The following ZNF18 variants were observed in gnomAD, a reference collection of about 807,000 sequenced individuals.
ZNF18 encodes zinc finger protein 18.
In ZNF18, 42 loss-of-function variants were observed where a neutral mutation model predicts 58.1. That is an observed-to-expected ratio of 0.72 (90% CI 0.56 to 0.93). ZNF18 has a LOEUF of 0.93. ZNF18 is among the 40% of genes least tolerant of loss of function. ZNF18 has a pLI of 0.00. For missense variants in ZNF18, 540 were observed against 644.2 expected, an observed-to-expected ratio of 0.84 and a Z score of 1.75; for synonymous variants, 231 against 239.8, an observed-to-expected ratio of 0.96 and a Z score of 0.34.
rs539768789 is a variant in ZNF18, at chr17:11,992,708, C to T, written c.122G>A (p.Arg41His). 1.1e-5 allele frequency: 18 copies of T among 1,614,246 alleles called. No individual in the cohort carries two copies. The highest frequency in any genetic ancestry group is 5.3e-5 in the African/African-American group (4 of 75,070). The change falls in exon 2 of 7, where the codon CGC becomes CAC. Residue 41 changes from arginine (R) to histidine (H), a missense_variant. Physicochemically the swap from Arg to His is conservative, Grantham distance 29. Coordinates refer to ENST00000580306, the MANE Select transcript of ZNF18 (RefSeq NM_001303281.2). Reference protein sequence around the residue: ...QEELSSPETARQLFRQFRYQV... With the variant: ...QEELSSPETAHQLFRQFRYQV... The stretch of plus-strand genomic sequence containing the variant: ...GTAACGGAACTGCCTGAAAAGCTGG[C>T]GTGCGGTCTCAGGGCTGGAGAGTTC...
chr17:11,989,480 T>C (rs564482851), intron 4 of ZNF18, among the ~76,000 whole-genome samples: 4 of 152,200 alleles, frequency 2.6e-5, no homozygotes, highest in South Asian at 2.1e-4. Context: ...ATATTCCATA[T>C]GTTCAAGAAG....
At chr17:11,998,563 TC>T (rs1567612285), upstream of ZNF18, 3 of 150,492 alleles carry the variant, frequency 2.0e-5, no homozygotes, top group African/African-American at 7.3e-5. Context: ...TCATAACATG[TC>T]CTGTACCTGT....
At chr17:11,985,030 T>G (rs923335937) in intron 4 of ZNF18, among the ~76,000 whole-genome samples, 1 of 152,142 alleles carries the variant, frequency 6.6e-6, no homozygotes, top group Non-Finnish European at 1.5e-5. Context: ...AAACAAAGAT[T>G]GGTATATTCA....
intron 1 of ZNF18, among the ~76,000 whole-genome samples, chr17:11,994,827 C>T (rs543252193): frequency 2.6e-5 from 4 of 151,580 alleles, no homozygotes; most frequent in East Asian, 3.9e-4. Flanking sequence ...GGCGACAGAG[C>T]GAGACTCCGT....
Position 11,978,275 on chromosome 17 carries a change from G to A in ZNF18, c.1332C>T (p.Ala444=), listed in dbSNP as rs754787300. 3.1e-6 allele frequency: 5 copies of A among 1,608,274 alleles called. No individual in the cohort carries two copies. Among genetic ancestry groups the A allele is most frequent in the Non-Finnish European group, 4.2e-6 (5 of 1,177,920 alleles). Reference sequence around the variant, plus strand: ...TCACAAAGTCTGAACTCCGCAGAAAGGCTTTTTTGCAGATGGTGCACTGAA... The same window carrying A: ...TCACAAAGTCTGAACTCCGCAGAAAAGCTTTTTTGCAGATGGTGCACTGAA... ...TYFQCTICKK[A]FLRSSDFVKH... The change falls in exon 7 of 7, where the codon GCC becomes GCT. Residue 444 remains alanine (A), a synonymous_variant. Coordinates refer to ENST00000580306, the MANE Select transcript of ZNF18 (RefSeq NM_001303281.2).
At chr17:11,995,226 T>A (rs1968392957) in intron 1 of ZNF18, among the ~76,000 whole-genome samples, 1 of 151,298 alleles carries the variant, frequency 6.6e-6, no homozygotes, top group African/African-American at 2.4e-5. Flanking sequence ...CTGTCCAACA[T>A]GGCAAAACCC....
chr17:11,993,009 C>T (rs1298617340), intron 1 of ZNF18, 98 bp from the exon 2 acceptor site: 1 of 682,210 alleles, frequency 1.5e-6, no homozygotes, highest in Non-Finnish European at 2.4e-6. Flanking sequence ...ATGGGGTCAA[C>T]TATGGAGCTT....
chr17:12,012,514 T>A, the ZNF18 span, among the ~76,000 whole-genome samples: 5 of 152,228 alleles, frequency 3.3e-5, no homozygotes, highest in Admixed American at 3.3e-4. Flanking sequence ...TATACATTTT[T>A]AATTTTGATA....
upstream of ZNF18, among the ~76,000 whole-genome samples, chr17:12,000,518 A>G (rs1968638440): frequency 6.6e-6 from 1 of 152,120 alleles, no homozygotes; most frequent in Non-Finnish European, 1.5e-5. Context: ...AGACCAGCCT[A>G]ACCAACATGG....
chr17:11,984,460 A>G (rs878975736), intron 4 of ZNF18, among the ~76,000 whole-genome samples: 1 of 152,028 alleles, frequency 6.6e-6, no homozygotes, highest in Admixed American at 6.6e-5. Flanking sequence ...GAATTATTTA[A>G]AAGTGGAGAA....
chr17:11,998,927 T>C (rs569552680), upstream of ZNF18, among the ~76,000 whole-genome samples: 3 of 151,108 alleles, frequency 2.0e-5, no homozygotes, highest in African/African-American at 7.3e-5. Flanking sequence ...CCACCCACCT[T>C]GGCCTCCCAA....
At chr17:11,996,805 A>C (rs765960611) in intron 1 of ZNF18, 5 of 152,280 alleles carry the variant, frequency 3.3e-5, no homozygotes, top group African/African-American at 1.2e-4. Context: ...AATTCCCACA[A>C]TTACCCTGGT....
At chr17:12,001,031 A>C (rs547238175), upstream of ZNF18, among the ~76,000 whole-genome samples, 1 of 152,308 alleles carries the variant, frequency 6.6e-6, no homozygotes, top group East Asian at 1.9e-4. Flanking sequence ...AGGGAGGAAA[A>C]ATTTGTATGG....
chr17:12,020,900 G>T, the ZNF18 span: 65 of 1,213,508 alleles, frequency 5.4e-5, no homozygotes, highest in Non-Finnish European at 6.2e-5. Flanking sequence ...GCGGCTCCGA[G>T]CCCGAGCGGC....
At chr17:12,004,003 C>T in the ZNF18 span, among the ~76,000 whole-genome samples, 6 of 152,136 alleles carry the variant, frequency 3.9e-5, no homozygotes, top group African/African-American at 1.2e-4. Context: ...GAGGCTGAGG[C>T]GGGCGGATCA....
Position 11,984,106 on chromosome 17 carries a change from C to A in ZNF18, c.751+7G>T, listed in dbSNP as rs918267938. Reference sequence around the variant, plus strand: ...CCTCCTTCCATCAGACTAACCCACACCCTCACCTCCTGAGACCATTTTCCC... The same window carrying A: ...CCTCCTTCCATCAGACTAACCCACAACCTCACCTCCTGAGACCATTTTCCC... On this transcript the variant is annotated splice_region_variant and intron_variant, in intron 5 of 6. Coordinates refer to ENST00000580306, the MANE Select transcript of ZNF18 (RefSeq NM_001303281.2). The A allele has an allele frequency of 1.2e-6, 2 of 1,611,310 alleles. No homozygotes were observed. The highest frequency in any genetic ancestry group is 2.7e-5 in the African/African-American group (2 of 74,592).
chr17:11,978,062 A>T lies in ZNF18; in HGVS notation c.1545T>A (p.Thr515=). ...GCGAACATTTATAAGGTTTCTCTCC[A>T]GTGTGAACCCTCTGATGTCTATTAA... ...SNFNRHQRVH[T]GEKPYKCSHC... Residue 515 remains threonine (T), a synonymous_variant, in exon 7 of 7, where the codon ACT becomes ACA. Transcript: ENST00000580306. 1 of 1,614,114 alleles carries T rather than the reference A, an allele frequency of 6.2e-7. No individual in the cohort carries two copies. Among genetic ancestry groups the T allele is most frequent in the Non-Finnish European group, 8.5e-7 (1 of 1,180,022 alleles).
chr17:11,982,289 A>G (rs531946459), intron 6 of ZNF18, among the ~76,000 whole-genome samples: 1 of 152,352 alleles, frequency 6.6e-6, no homozygotes, highest in South Asian at 2.1e-4. Flanking sequence ...GTACATGCAC[A>G]CATATTTTAA....
the ZNF18 span, among the ~76,000 whole-genome samples, chr17:12,003,551 T>C: frequency 6.6e-6 from 1 of 151,966 alleles, no homozygotes; most frequent in African/African-American, 2.4e-5. Flanking sequence ...AGCCCTAAAG[T>C]GCATACCTTA....
Sources: allele counts gnomAD v4.1 joint callset (sites outside exome capture counted in the v4.1 genomes callset), GRCh38; gene constraint gnomAD v4.1.1; transcripts MANE v1.5; gene names NCBI Gene and HGNC (gene_info 2026-07-23, HGNC 2026-07-21).